The following PDE4B variants were observed in gnomAD, a reference collection of about 807,000 sequenced individuals.
PDE4B encodes 3',5'-cyclic-AMP phosphodiesterase 4B.
A neutral mutation model predicts 82.2 loss-of-function variants in PDE4B; 20 were observed. The observed-to-expected ratio is 0.24, with a 90% CI of 0.17 to 0.35. PDE4B has a LOEUF of 0.35. PDE4B is among the 10% of genes least tolerant of loss of function. The pLI, the probability that PDE4B is intolerant of heterozygous loss-of-function variation, is 1.00. For synonymous variants in PDE4B, 320 were observed against 318.9 expected (o/e 1.00, Z -0.04); for missense variants, 655 against 907.2 (o/e 0.72, Z 3.57).
chr1:66,342,767 A>G (rs921296794), intron 8 of PDE4B, among the ~76,000 whole-genome samples: 89 of 145,902 alleles, frequency 6.1e-4, no homozygotes, highest in African/African-American at 2.3e-3. Context: ...AAATGAGGCC[A>G]GGCCAGTGGC....
chr1:65,824,578 C>A (rs906046521), intron 1 of PDE4B, among the ~76,000 whole-genome samples: 1 of 150,480 alleles, frequency 6.6e-6, no homozygotes, highest in Non-Finnish European at 1.5e-5. Context: ...TATAAATTAC[C>A]CCTAAAGTAA....
intron 3 of PDE4B, among the ~76,000 whole-genome samples, chr1:66,246,930 T>C (rs1478143987): frequency 1.3e-5 from 2 of 152,112 alleles, no homozygotes; most frequent in African/African-American, 2.4e-5. Flanking sequence ...CCAGTGGAGG[T>C]TGTCAGGATA....
At chr1:65,854,859 G>T (rs549560999) in intron 1 of PDE4B, among the ~76,000 whole-genome samples, 9 of 151,688 alleles carry the variant, frequency 5.9e-5, no homozygotes, top group African/African-American at 1.7e-4. Flanking sequence ...TATGCTTCAG[G>T]TCATTGAGTT....
chr1:66,173,583 A>G (rs777746707), intron 3 of PDE4B, among the ~76,000 whole-genome samples: 14 of 152,212 alleles, frequency 9.2e-5, no homozygotes, highest in Non-Finnish European at 1.9e-4. Context: ...ATCAAAATGG[A>G]ACATCACAAT....
At chr1:66,234,038 C>T (rs112335338) in intron 3 of PDE4B, among the ~76,000 whole-genome samples, 13 of 152,076 alleles carry the variant, frequency 8.5e-5, no homozygotes, top group Non-Finnish European at 1.8e-4. Context: ...GAGAAATATT[C>T]CCTCCTCTTC....
At chr1:66,035,342 C>G in intron 3 of PDE4B, among the ~76,000 whole-genome samples, 1 of 152,038 alleles carries the variant, frequency 6.6e-6, no homozygotes, top group East Asian at 1.9e-4. Context: ...CACCTAAACT[C>G]CTCTCTTTTA....
chr1:65,967,907 A>G (rs902156157), intron 3 of PDE4B, among the ~76,000 whole-genome samples: 2 of 152,128 alleles, frequency 1.3e-5, no homozygotes, highest in Admixed American at 1.3e-4. Context: ...ATTAGGAGAA[A>G]TACTAATGTA....
intron 3 of PDE4B, among the ~76,000 whole-genome samples, chr1:66,177,305 C>T (rs2101376232): frequency 6.6e-6 from 1 of 152,274 alleles, no homozygotes; most frequent in South Asian, 2.1e-4. Context: ...GAAATGTTGT[C>T]TGTTTTGTTA....
intron 3 of PDE4B, among the ~76,000 whole-genome samples, chr1:66,015,602 C>G (rs549814716): frequency 6.6e-6 from 1 of 150,572 alleles, no homozygotes; most frequent in Admixed American, 6.6e-5. Flanking sequence ...AAAAAAAAAA[C>G]AGAAAATTAA....
intron 1 of PDE4B, among the ~76,000 whole-genome samples, chr1:65,896,939 A>T (rs1483850673): frequency 6.6e-6 from 1 of 152,096 alleles, no homozygotes; most frequent in Non-Finnish European, 1.5e-5. Flanking sequence ...TGTGTTTTTT[A>T]AAAGGAAGTG....
chr1:66,237,626 C>G (rs1652561724), intron 3 of PDE4B, among the ~76,000 whole-genome samples: 1 of 152,150 alleles, frequency 6.6e-6, no homozygotes, highest in East Asian at 1.9e-4. Flanking sequence ...TGCTTCAAAC[C>G]TGGGACAAGT....
chr1:65,888,818 A>G (rs1646820713), intron 1 of PDE4B, among the ~76,000 whole-genome samples: 1 of 152,070 alleles, frequency 6.6e-6, no homozygotes, highest in Non-Finnish European at 1.5e-5. Context: ...ACTTTACTGA[A>G]TTTATTAATT....
intron 3 of PDE4B, among the ~76,000 whole-genome samples, chr1:66,190,119 G>T (rs548052773): frequency 6.6e-6 from 1 of 152,266 alleles, no homozygotes; most frequent in South Asian, 2.1e-4. Context: ...TGTTTGCCTG[G>T]GTATCAGCAG....
At chr1:66,145,009 GAAAT>G (rs1031636385) in intron 3 of PDE4B, among the ~76,000 whole-genome samples, 1 of 152,198 alleles carries the variant, frequency 6.6e-6, no homozygotes, top group African/African-American at 2.4e-5. Flanking sequence ...ACTGATGTGT[GAAAT>G]AGAATCTCTT....
chr1:66,190,344 A>G lies in PDE4B; in HGVS notation c.282-57116A>G, dbSNP rs186587741. ...TCTCCAGCTGCGTGCTGGGAGAACC[A>G]CTATTCTCTTCAAAGCTGTCAGACA... On this transcript the variant is annotated intron_variant, in intron 3 of 16. Transcript: ENST00000341517. 3.4e-3 allele frequency among the ~76,000 whole-genome samples: 512 copies of G among 152,296 alleles called. 14 individuals are homozygous for G. The highest frequency in any genetic ancestry group is 0.032 in the Admixed American group (483 of 15,296).
chr1:66,350,610 T>C (rs908340439), intron 8 of PDE4B, among the ~76,000 whole-genome samples: 4 of 152,114 alleles, frequency 2.6e-5, no homozygotes, highest in Non-Finnish European at 5.9e-5. Context: ...TTCTGGACTG[T>C]TTTATTCTCA....
At chr1:66,247,914 T>G (rs535054777) in intron 4 of PDE4B, among the ~76,000 whole-genome samples, 1 of 152,306 alleles carries the variant, frequency 6.6e-6, no homozygotes, top group South Asian at 2.1e-4. Context: ...CTTAAAAAAA[T>G]TATTTTGCTT....
At chr1:65,825,304 G>A (rs1268739180) in intron 1 of PDE4B, among the ~76,000 whole-genome samples, 1 of 152,126 alleles carries the variant, frequency 6.6e-6, no homozygotes. Context: ...AACTACAAGG[G>A]CAAAACCCTA....
At chr1:66,313,336 G>T (rs1658798238) in intron 7 of PDE4B, among the ~76,000 whole-genome samples, 2 of 152,190 alleles carry the variant, frequency 1.3e-5, no homozygotes, top group Non-Finnish European at 2.9e-5. Context: ...AAACAGTCTT[G>T]CTGGACTGTA....
Sources: allele counts gnomAD v4.1 joint callset (sites outside exome capture counted in the v4.1 genomes callset), GRCh38; gene constraint gnomAD v4.1.1; transcripts MANE v1.5; gene names NCBI Gene and HGNC (gene_info 2026-07-23, HGNC 2026-07-21).